Variants in DPP6 observed in about 807,000 individuals in gnomAD.
DPP6 encodes A-type potassium channel modulatory protein DPP6.
DPP6 carries 69 observed loss-of-function variants against 122.6 expected under a neutral mutation model. The ratio of observed to expected loss-of-function variants is 0.56; its 90% CI spans 0.46 to 0.69. The LOEUF is 0.69. Among genes scored for constraint, DPP6 ranks in the 30% least tolerant of loss-of-function variants. DPP6 has a pLI of 0.00. For missense variants in DPP6, 928 were observed against 1,116.9 expected, an observed-to-expected ratio of 0.83 and a Z score of 2.41; for synonymous variants, 418 against 433.1, an observed-to-expected ratio of 0.97 and a Z score of 0.43.
At chr7:154,625,529 C>T (rs573183773) in intron 5 of DPP6, among the ~76,000 whole-genome samples, 7 of 152,310 alleles carry the variant, frequency 4.6e-5, no homozygotes, top group East Asian at 1.9e-4. Flanking sequence ...TGTAATTAAG[C>T]GCCAAATGAT....
intron 1 of DPP6, among the ~76,000 whole-genome samples, chr7:153,906,496 G>A (rs1331111308): frequency 6.6e-6 from 1 of 152,184 alleles, no homozygotes; most frequent in Non-Finnish European, 1.5e-5. Flanking sequence ...TGTCTCCCAG[G>A]CTGGGGTGCA....
intron 7 of DPP6, among the ~76,000 whole-genome samples, chr7:154,671,554 T>C (rs1221444413): frequency 6.6e-6 from 1 of 152,058 alleles, no homozygotes; most frequent in East Asian, 1.9e-4. Flanking sequence ...CGTAGTAGAG[T>C]TGGTACTTGT....
intron 5 of DPP6, among the ~76,000 whole-genome samples, chr7:154,592,210 A>G (rs1832843454): frequency 6.6e-6 from 1 of 152,232 alleles, no homozygotes; most frequent in Non-Finnish European, 1.5e-5. Context: ...TGTGGGCCAG[A>G]GTAAGGCTTG....
At chr7:154,490,312 G>A (rs1191804756) in intron 3 of DPP6, among the ~76,000 whole-genome samples, 7 of 152,174 alleles carry the variant, frequency 4.6e-5, no homozygotes, top group African/African-American at 9.7e-5. Flanking sequence ...CTCTTCCCCC[G>A]GCTCCCTCGT....
At chr7:154,399,575 C>A (rs1474534471) in intron 1 of DPP6, among the ~76,000 whole-genome samples, 1 of 151,890 alleles carries the variant, frequency 6.6e-6, no homozygotes, top group Non-Finnish European at 1.5e-5. Context: ...TTCTTGTAGT[C>A]AAAAAAAATT....
chr7:154,561,019 T>C (rs1229227911), intron 4 of DPP6, among the ~76,000 whole-genome samples: 1 of 152,118 alleles, frequency 6.6e-6, no homozygotes, highest in Non-Finnish European at 1.5e-5. Context: ...GAAGAAATAT[T>C]TCATAATGAT....
At chr7:154,317,689 C>T (rs886435982) in intron 1 of DPP6, among the ~76,000 whole-genome samples, 1 of 152,100 alleles carries the variant, frequency 6.6e-6, no homozygotes, top group Non-Finnish European at 1.5e-5. Flanking sequence ...AATTATGGCC[C>T]CAGTAATGAA....
chr7:154,885,430 A>G (rs1806067264), intron 21 of DPP6: 1 of 640,834 alleles, frequency 1.6e-6, no homozygotes, highest in East Asian at 3.0e-5. Context: ...GAGAAGGCGC[A>G]CGTCGCATAA....
intron 2 of DPP6, among the ~76,000 whole-genome samples, chr7:154,448,383 A>G (rs931761444): frequency 1.3e-5 from 2 of 152,210 alleles, no homozygotes; most frequent in Admixed American, 1.3e-4. Context: ...ATAAAGAAGT[A>G]TAAGACTTGT....
chr7:154,713,222 G>T (rs183245639), intron 7 of DPP6, among the ~76,000 whole-genome samples: 8 of 152,376 alleles, frequency 5.3e-5, no homozygotes, highest in African/African-American at 1.9e-4. Context: ...GCTTTACAGG[G>T]TACAGCCTAC....
chr7:153,920,368 G>A (rs115851111), intron 1 of DPP6, among the ~76,000 whole-genome samples: 27 of 151,384 alleles, frequency 1.8e-4, no homozygotes, highest in African/African-American at 6.1e-4. Flanking sequence ...AATCTTTTGC[G>A]ATGCTGTGTG....
At chr7:153,806,550 AT>A in the DPP6 span, among the ~76,000 whole-genome samples, 1 of 151,550 alleles carries the variant, frequency 6.6e-6, no homozygotes, top group East Asian at 1.9e-4. Context: ...TCATATATAC[AT>A]TTTTCAATCC....
intron 16 of DPP6, among the ~76,000 whole-genome samples, chr7:154,812,059 T>C (rs945232433): frequency 6.6e-6 from 1 of 152,070 alleles, no homozygotes; most frequent in South Asian, 2.1e-4. Context: ...GGGAGGGAAG[T>C]GTAAGTAGTT....
At chr7:154,294,992 A>G (rs933998250) in intron 1 of DPP6, among the ~76,000 whole-genome samples, 2 of 152,190 alleles carry the variant, frequency 1.3e-5, no homozygotes, top group African/African-American at 4.8e-5. Flanking sequence ...GAGGAGGAGC[A>G]TGGTGGTGCC....
In DPP6 at chr7:154,119,528, C is replaced by T. The variant is rs564764964; in HGVS notation, c.243+66465C>T. Among the ~76,000 whole-genome samples the T allele has an allele frequency of 1.4e-3, 216 of 151,708 alleles. 1 individual carries two copies. The highest frequency in any genetic ancestry group is 2.4e-3 in the Non-Finnish European group (164 of 67,892). On this transcript the variant is annotated intron_variant, in intron 1 of 25. Coordinates refer to ENST00000377770, the MANE Select transcript of DPP6 (RefSeq NM_130797.4). Reference sequence around the variant, plus strand: ...CTTGGGTCCCAGTTTACCTGGATCTCGGGCTGGTGTCATCTCAACAATGGT... The same window carrying T: ...CTTGGGTCCCAGTTTACCTGGATCTTGGGCTGGTGTCATCTCAACAATGGT...
At position 154,010,498 on chromosome 7, in the gene DPP6, G is replaced by A. The variant is rs544623373; in HGVS notation, c.51+122764G>A. 6.6e-5 allele frequency among the ~76,000 whole-genome samples: 10 copies of A among 152,284 alleles called. No homozygotes were observed. In the South Asian group the frequency reaches 2.1e-3, roughly 32 times the overall value. On this transcript the variant is annotated intron_variant, in intron 1 of 25. Coordinates refer to the DPP6 transcript ENST00000404039. ...ATCTCTACTGCCTGCTGCTTCAAAT[G>A]CTTTCTCATGAATTAATGAGCTCAT...
At chr7:154,648,343 G>T (rs542177848) in intron 6 of DPP6, among the ~76,000 whole-genome samples, 6 of 151,872 alleles carry the variant, frequency 4.0e-5, no homozygotes, top group Admixed American at 2.6e-4. Context: ...ATAGGGAAAG[G>T]CCCCACCTGT....
chr7:154,260,027 G>A (rs1176267750), intron 1 of DPP6, among the ~76,000 whole-genome samples: 2 of 152,274 alleles, frequency 1.3e-5, no homozygotes, highest in Non-Finnish European at 2.9e-5. Flanking sequence ...TGGCCAGAGA[G>A]GTCCTCTCTA....
At chr7:154,649,193 C>T (rs918494298) in intron 6 of DPP6, among the ~76,000 whole-genome samples, 3 of 152,124 alleles carry the variant, frequency 2.0e-5, no homozygotes, top group African/African-American at 7.2e-5. Flanking sequence ...GAGATTCACC[C>T]GTGTTGTGAC....
Sources: gnomAD v4.1 joint callset for allele counts (sites outside exome capture counted in the v4.1 genomes callset) on GRCh38, gnomAD v4.1.1 for gene constraint, MANE v1.5 for transcripts, NCBI Gene and HGNC (gene_info 2026-07-23, HGNC 2026-07-21) for gene names.